Variants in CTNNA3 observed in about 807,000 individuals in gnomAD.
CTNNA3 encodes catenin alpha-3.
A neutral mutation model predicts 95.7 loss-of-function variants in CTNNA3; 76 were observed. That is an observed-to-expected ratio of 0.79 (90% CI 0.66 to 0.96). CTNNA3 has a LOEUF of 0.96. Ranked by LOEUF, CTNNA3 falls within the 40% of genes least tolerant of loss-of-function variation. The pLI, the probability that CTNNA3 is intolerant of heterozygous loss-of-function variation, is 0.00. For missense variants in CTNNA3, 1,191 were observed against 1,089.8 expected, an observed-to-expected ratio of 1.09 and a Z score of -1.31; for synonymous variants, 431 against 374.4, an observed-to-expected ratio of 1.15 and a Z score of -1.74.
intron 7 of CTNNA3, among the ~76,000 whole-genome samples, chr10:66,994,401 T>C (rs1367282165): frequency 2.6e-5 from 4 of 152,186 alleles, no homozygotes; most frequent in Non-Finnish European, 4.4e-5. Context: ...ACTTAATAAA[T>C]GGAATGAAGC....
At chr10:66,851,464 C>G (rs1304762045) in intron 7 of CTNNA3, among the ~76,000 whole-genome samples, 1 of 152,076 alleles carries the variant, frequency 6.6e-6, no homozygotes, top group Non-Finnish European at 1.5e-5. Context: ...GAATTATAAT[C>G]TCCAGTATCG....
At chr10:67,445,092 A>G (rs1467494144) in intron 5 of CTNNA3, among the ~76,000 whole-genome samples, 1 of 152,120 alleles carries the variant, frequency 6.6e-6, no homozygotes, top group African/African-American at 2.4e-5. Context: ...AACTCATTCC[A>G]TGAGGCGAGT....
chr10:66,718,466 A>T (rs559675844), intron 9 of CTNNA3, among the ~76,000 whole-genome samples: 1 of 152,210 alleles, frequency 6.6e-6, no homozygotes, highest in African/African-American at 2.4e-5. Context: ...AAAAGAGGCA[A>T]AAGAGCTATT....
intron 5 of CTNNA3, among the ~76,000 whole-genome samples, chr10:67,433,462 C>T (rs193031458): frequency 2.0e-5 from 3 of 152,088 alleles, no homozygotes; most frequent in South Asian, 2.1e-4. Flanking sequence ...AGTGACCACA[C>T]GCTGTTGGGA....
chr10:67,580,397 G>A (rs1842343753), intron 3 of CTNNA3, among the ~76,000 whole-genome samples: 1 of 151,654 alleles, frequency 6.6e-6, no homozygotes, highest in South Asian at 2.1e-4. Context: ...TGAGGGCTCT[G>A]TTCTGTTTCA....
intron 7 of CTNNA3, among the ~76,000 whole-genome samples, chr10:66,871,741 A>C (rs2132441785): frequency 6.6e-6 from 1 of 152,266 alleles, no homozygotes; most frequent in Non-Finnish European, 1.5e-5. Flanking sequence ...CAGAAAGATA[A>C]ATGTCAGAGA....
At chr10:67,379,525 TATC>T (rs1273535643) in intron 5 of CTNNA3, among the ~76,000 whole-genome samples, 79 of 152,292 alleles carry the variant, frequency 5.2e-4, no homozygotes, top group African/African-American at 1.9e-3. Context: ...ATTTAGAAAG[TATC>T]ATGCGAATAT....
rs185881145 is a variant in CTNNA3, at chr10:66,445,094, A to C, written c.1532-65742T>G. Among the ~76,000 whole-genome samples, 593 of 152,256 alleles carry C rather than the reference A, an allele frequency of 3.9e-3. 2 individuals carry two copies. The highest frequency in any genetic ancestry group is 0.014 in the African/African-American group (573 of 41,514). On this transcript the variant is annotated intron_variant, in intron 11 of 17. Coordinates refer to ENST00000433211, the MANE Select transcript of CTNNA3 (RefSeq NM_013266.4). ...CAAAGAAGGCCATTACATAATGGTA[A>C]AGGAATCAATTCAACAAGAAGAGCT...
intron 1 of CTNNA3, among the ~76,000 whole-genome samples, chr10:67,673,798 GACGTCCGTTAT>G (rs1334699006): frequency 2.3e-5 from 3 of 130,900 alleles, no homozygotes; most frequent in Admixed American, 2.2e-4. Flanking sequence ...GTTAATAACG[GACGTCCGTTAT>G]TAACTTCTTA....
chr10:66,802,890 A>T (rs1841485583), intron 7 of CTNNA3, among the ~76,000 whole-genome samples: 1 of 151,970 alleles, frequency 6.6e-6, no homozygotes, highest in African/African-American at 2.4e-5. Context: ...ATCTAGATAA[A>T]TCTCTAAATG....
chr10:65,991,701 CA>C (rs1016819474), intron 15 of CTNNA3, among the ~76,000 whole-genome samples: 25 of 151,910 alleles, frequency 1.6e-4, no homozygotes, highest in African/African-American at 5.8e-4. Flanking sequence ...CAAAGAAGGA[CA>C]ATTTGGCCTC....
intron 1 of CTNNA3, among the ~76,000 whole-genome samples, chr10:67,687,443 A>C (rs1840755406): frequency 1.3e-5 from 2 of 152,160 alleles, no homozygotes; most frequent in Admixed American, 1.3e-4. Flanking sequence ...AAGCCCTACC[A>C]GGTGATTGAC....
intron 6 of CTNNA3, among the ~76,000 whole-genome samples, chr10:67,213,784 C>A (rs1864236402): frequency 6.6e-6 from 1 of 151,604 alleles, no homozygotes; most frequent in South Asian, 2.1e-4. Context: ...TTCTAGGTGG[C>A]CTGTATAATA....
At chr10:67,155,900 A>G (rs1194054075) in intron 7 of CTNNA3, among the ~76,000 whole-genome samples, 1 of 152,148 alleles carries the variant, frequency 6.6e-6, no homozygotes, top group Non-Finnish European at 1.5e-5. Flanking sequence ...AGTAGAATTC[A>G]CCAGAGAAGC....
intron 17 of CTNNA3, among the ~76,000 whole-genome samples, chr10:65,924,526 A>T (rs182132160): frequency 1.1e-3 from 161 of 152,270 alleles, no homozygotes; most frequent in Non-Finnish European, 1.2e-3. Context: ...ATTTCCACGT[A>T]CCTATAATTT....
At chr10:66,704,632 C>A (rs1367676135) in intron 9 of CTNNA3, among the ~76,000 whole-genome samples, 2 of 152,192 alleles carry the variant, frequency 1.3e-5, no homozygotes, top group Middle Eastern at 3.4e-3. Context: ...CTGGGAGGGT[C>A]TTCTTCCCCT....
At chr10:66,765,431 C>T (rs914261120) in intron 9 of CTNNA3, among the ~76,000 whole-genome samples, 12 of 151,996 alleles carry the variant, frequency 7.9e-5, no homozygotes, top group African/African-American at 2.7e-4. Context: ...AGAGTAGACA[C>T]CAGCCATGAA....
At chr10:66,934,085 C>A (rs1252934151) in intron 7 of CTNNA3, among the ~76,000 whole-genome samples, 1 of 151,960 alleles carries the variant, frequency 6.6e-6, no homozygotes. Context: ...ACAGGAATAT[C>A]TGGGACATGA....
chr10:66,525,855 T>C (rs916796687), intron 10 of CTNNA3, among the ~76,000 whole-genome samples: 2 of 152,132 alleles, frequency 1.3e-5, no homozygotes, highest in Non-Finnish European at 2.9e-5. Flanking sequence ...ACTTTCTACC[T>C]CTTTTGTTGA....
Sources: allele counts gnomAD v4.1 joint callset (sites outside exome capture counted in the v4.1 genomes callset), GRCh38; gene constraint gnomAD v4.1.1; transcripts MANE v1.5; gene names NCBI Gene and HGNC (gene_info 2026-07-23, HGNC 2026-07-21).